ZDHHC17: variants seen among roughly 807,000 people sequenced by gnomAD.
ZDHHC17 encodes the protein palmitoyltransferase ZDHHC17.
ZDHHC17 carries 40 observed loss-of-function variants against 90.3 expected under a neutral mutation model. The ratio of observed to expected loss-of-function variants is 0.44; its 90% CI spans 0.34 to 0.58. The LOEUF is 0.58. Ranked by LOEUF, ZDHHC17 falls within the 20% of genes least tolerant of loss-of-function variation. The pLI, the probability that ZDHHC17 is intolerant of heterozygous loss-of-function variation, is 0.01. For synonymous variants in ZDHHC17, 235 were observed against 252.4 expected, an observed-to-expected ratio of 0.93 and a Z score of 0.65; for missense variants, 614 against 780.8, an observed-to-expected ratio of 0.79 and a Z score of 2.55.
intron 8 of ZDHHC17, among the ~76,000 whole-genome samples, chr12:76,823,030 C>T (rs1321967452): frequency 2.1e-5 from 3 of 139,556 alleles, no homozygotes. Flanking sequence ...CTCTTACCTA[C>T]GTGGTTGGTG....
intron 1 of ZDHHC17, among the ~76,000 whole-genome samples, chr12:76,793,096 G>C (rs1025104386): frequency 6.6e-6 from 1 of 152,192 alleles, no homozygotes; most frequent in Non-Finnish European, 1.5e-5. Flanking sequence ...TGAGCTTGCT[G>C]AACCTCTTTT....
At chr12:76,799,182 C>T (rs977805444) in intron 2 of ZDHHC17, among the ~76,000 whole-genome samples, 7 of 152,126 alleles carry the variant, frequency 4.6e-5, no homozygotes, top group Non-Finnish European at 1.0e-4. Flanking sequence ...CATTGCATCC[C>T]ACAGAATTAA....
In ZDHHC17 at chr12:76,788,688, A is replaced by ATATTTTTTTTTTTTTTTTTTT. The variant is rs61663401; in HGVS notation, c.94-8745_94-8744insATTTTTTTTTTTTTTTTTTTT. Among the ~76,000 whole-genome samples, 413 of 98,638 alleles carry ATATTTTTTTTTTTTTTTTTTT rather than the reference A, an allele frequency of 4.2e-3. 99 individuals carry two copies. The highest frequency in any genetic ancestry group is 5.5e-3 in the East Asian group (15 of 2,744). 64.7% of individuals were successfully genotyped at this position (98,638 alleles called of 152,430 possible). A position where few individuals can be genotyped will look rare whatever the true frequency, so the allele number is the denominator to read the frequency against. ...AAAATATATTTAAGTTGGAATCGCAATTTTTTTTTTTTTTTTTTTTTTTTT... is the reference window on the plus strand; with the variant it reads ...AAAATATATTTAAGTTGGAATCGCAATATTTTTTTTTTTTTTTTTTTTTTTTTTTTTTTTTTTTTTTTTTTT... On this transcript the variant is annotated intron_variant, in intron 1 of 16. Transcript: ENST00000426126.
intron 1 of ZDHHC17, among the ~76,000 whole-genome samples, chr12:76,782,625 G>C (rs1565764300): frequency 6.6e-6 from 1 of 152,124 alleles, no homozygotes; most frequent in Non-Finnish European, 1.5e-5. Flanking sequence ...TAGGAGCTGA[G>C]CAAGAGTTTT....
intron 1 of ZDHHC17, among the ~76,000 whole-genome samples, chr12:76,775,554 T>C (rs550440172): frequency 2.6e-5 from 4 of 152,340 alleles, no homozygotes; most frequent in Admixed American, 2.0e-4. Flanking sequence ...TCAATTAGTG[T>C]AAATAATCCT....
Position 76,822,497 on chromosome 12 carries a change from A to G in ZDHHC17, c.863A>G (p.Asn288Ser), listed in dbSNP as rs377127641. 9.2e-5 allele frequency: 148 copies of G among 1,610,880 alleles called. No individual in the cohort carries two copies. Among genetic ancestry groups the G allele is most frequent in the Non-Finnish European group, 7.7e-5 (91 of 1,178,434 alleles). The change falls in exon 8 of 17, where the codon AAT becomes AGT. Residue 288 changes from asparagine to serine, a missense_variant. Physicochemically the swap from Asn to Ser is conservative, Grantham distance 46. Coordinates refer to ENST00000426126, the MANE Select transcript of ZDHHC17 (RefSeq NM_015336.4). ...QEARQAKGYD[N>S]PSFLRKLKAD... ...GCAAGGCAAGCAAAAGGATATGACAATCCGTCCTTCCTTAGAAAGCTGAAA... is the reference window on the plus strand; with the variant it reads ...GCAAGGCAAGCAAAAGGATATGACAGTCCGTCCTTCCTTAGAAAGCTGAAA...
In ZDHHC17 at chr12:76,778,001, T is replaced by C. The variant is rs112967067; in HGVS notation, c.93+13672T>C. On this transcript the variant is annotated intron_variant, in intron 1 of 16. Coordinates refer to ENST00000426126, the MANE Select transcript of ZDHHC17 (RefSeq NM_015336.4). Reference sequence around the variant, plus strand: ...CAGTGGGACTATGCCTTTTTTAAGGTACATGGGCATTACCCTGTAGGCTTT... The same window carrying C: ...CAGTGGGACTATGCCTTTTTTAAGGCACATGGGCATTACCCTGTAGGCTTT... Among the ~76,000 whole-genome samples the C allele has an allele frequency of 8.9e-3, 1,350 of 152,258 alleles. 17 individuals carry two copies. The highest frequency in any genetic ancestry group is 0.031 in the African/African-American group (1,284 of 41,544).
At chr12:76,788,688 A>ATATATATTTT (rs61663401) in intron 1 of ZDHHC17, among the ~76,000 whole-genome samples, 4 of 98,648 alleles carry the variant, frequency 4.1e-5, no homozygotes, top group African/African-American at 1.6e-4. Context: ...TGGAATCGCA[A>ATATATATTTT]TTTTTTTTTT....
intron 5 of ZDHHC17, among the ~76,000 whole-genome samples, chr12:76,811,688 A>G (rs1021674442): frequency 4.6e-5 from 7 of 151,942 alleles, no homozygotes; most frequent in African/African-American, 1.7e-4. Flanking sequence ...TTCAGGCATA[A>G]TAGAATATGA....
chr12:76,766,227 G>A (rs1215058436), intron 1 of ZDHHC17, among the ~76,000 whole-genome samples: 1 of 152,148 alleles, frequency 6.6e-6, no homozygotes, highest in Admixed American at 6.5e-5. Context: ...AGTGGGAATT[G>A]GCATACATAA....
At chr12:76,846,869 CAGTT>C (rs1348798864) in intron 14 of ZDHHC17, among the ~76,000 whole-genome samples, 190 bp downstream of exon 14, 4 of 152,164 alleles carry the variant, frequency 2.6e-5, no homozygotes, top group Admixed American at 2.6e-4. Context: ...TGTAAGCAAA[CAGTT>C]AGCAGTTAAC....
rs1362868213 is a variant in ZDHHC17 at position 76,764,121 on chromosome 12, G to C, written c.-116G>C. 6 of 780,252 alleles carry C rather than the reference G, an allele frequency of 7.7e-6. No homozygotes were observed. The highest frequency in any genetic ancestry group is 4.0e-6 in the Non-Finnish European group (2 of 498,808). 48.3% of individuals were successfully genotyped at this position (780,252 alleles called of 1,614,324 possible). On this transcript the variant is annotated 5_prime_UTR_variant, in exon 1 of 17. Coordinates refer to ENST00000426126, the MANE Select transcript of ZDHHC17 (RefSeq NM_015336.4). ...GGGAGGGGACAGAGGGGGCGTCACG[G>C]GGGCAGGAGAAGAAGGAGGAGGAGG... is the stretch of plus-strand genomic sequence containing the variant.
At chr12:76,806,190 G>T (rs1159021972) in intron 3 of ZDHHC17, among the ~76,000 whole-genome samples, 2 of 152,166 alleles carry the variant, frequency 1.3e-5, no homozygotes, top group Non-Finnish European at 2.9e-5. Context: ...CGCCTCCCAG[G>T]CTCAAGCGAT....
intron 8 of ZDHHC17, 131 bp from the exon 9 acceptor site, chr12:76,826,777 T>G: frequency 1.1e-6 from 1 of 870,900 alleles, no homozygotes; most frequent in Non-Finnish European, 1.7e-6. Flanking sequence ...TGAATAGTAC[T>G]GATACATAGC....
intron 8 of ZDHHC17, among the ~76,000 whole-genome samples, chr12:76,826,030 G>A (rs1196760715): frequency 6.6e-6 from 1 of 152,092 alleles, no homozygotes; most frequent in Non-Finnish European, 1.5e-5. Flanking sequence ...TGTTGCCCAG[G>A]CTGCCCTACA....
chr12:76,787,665 G>C (rs150496080), intron 1 of ZDHHC17, among the ~76,000 whole-genome samples: 1 of 151,806 alleles, frequency 6.6e-6, no homozygotes, highest in African/African-American at 2.4e-5. Flanking sequence ...GTGTGCGCGC[G>C]CAGGAGAGTT....
intron 2 of ZDHHC17, among the ~76,000 whole-genome samples, chr12:76,800,104 A>G (rs570666790): frequency 1.3e-5 from 2 of 152,290 alleles, no homozygotes; most frequent in African/African-American, 2.4e-5. Context: ...TGAATTAGAG[A>G]TGCCCAACCT....
At chr12:76,835,778 C>T (rs1022936520) in intron 10 of ZDHHC17, among the ~76,000 whole-genome samples, 1 of 151,946 alleles carries the variant, frequency 6.6e-6, no homozygotes, top group Non-Finnish European at 1.5e-5. Context: ...GGAATAGACA[C>T]AGAATGAGCA....
At chr12:76,828,213 G>A (rs74984721) in intron 9 of ZDHHC17, among the ~76,000 whole-genome samples, 177 bp from the exon 10 acceptor site, 21,941 of 152,084 alleles carry the variant, frequency 0.14, 1,971 homozygotes, top group Non-Finnish European at 0.2. Flanking sequence ...ATCTTGCTGA[G>A]TCTTTCAGCT....
Sources: gnomAD v4.1 joint callset for allele counts (sites outside exome capture counted in the v4.1 genomes callset) on GRCh38, gnomAD v4.1.1 for gene constraint, MANE v1.5 for transcripts, NCBI Gene and HGNC (gene_info 2026-07-23, HGNC 2026-07-21) for gene names.